The following IL1RL2 variants were observed in gnomAD, a reference collection of about 807,000 sequenced individuals.
IL1RL2 encodes interleukin 1 receptor like 2.
IL1RL2 carries 68 observed loss-of-function variants against 66.8 expected under a neutral mutation model. That is an observed-to-expected ratio of 1.02 (90% confidence interval 0.84 to 1.25). IL1RL2 has a LOEUF of 1.25. Ranked by LOEUF, IL1RL2 falls within the 50% of genes most tolerant of loss-of-function variation. The pLI is 0.00. For missense variants in IL1RL2, 729 were observed against 709.3 expected, an observed-to-expected ratio of 1.03 and a Z score of -0.32; for synonymous variants, 305 against 264.6, an observed-to-expected ratio of 1.15 and a Z score of -1.48.
intron 4 of IL1RL2, among the ~76,000 whole-genome samples, chr2:102,197,022 C>A (rs144763344): frequency 1.3e-5 from 2 of 151,996 alleles, no homozygotes; most frequent in Admixed American, 6.6e-5. Flanking sequence ...TTAAGAAGTG[C>A]GGTTCATTTC....
intron 11 of IL1RL2, among the ~76,000 whole-genome samples, chr2:102,236,285 T>C (rs891534920): frequency 1.3e-5 from 2 of 152,128 alleles, no homozygotes; most frequent in Non-Finnish European, 2.9e-5. Flanking sequence ...GAGTCAGCCC[T>C]GAGAGCCAGC....
At chr2:102,189,467 CAG>C (rs1428978639) in intron 3 of IL1RL2, among the ~76,000 whole-genome samples, 157 bp downstream of exon 3, 1 of 152,186 alleles carries the variant, frequency 6.6e-6, no homozygotes, top group African/African-American at 2.4e-5. Context: ...CATTTTTAAA[CAG>C]AACAGATTTG....
chr2:102,201,845 C>T (rs1688288494), intron 5 of IL1RL2, 130 bp downstream of exon 5: 1 of 750,870 alleles, frequency 1.3e-6, no homozygotes, highest in African/African-American at 1.8e-5. Flanking sequence ...CTAGTAGGCT[C>T]TCAGACCTGC....
intron 6 of IL1RL2, among the ~76,000 whole-genome samples, chr2:102,216,597 A>G (rs1319487662): frequency 6.6e-6 from 1 of 152,120 alleles, no homozygotes; most frequent in African/African-American, 2.4e-5. Flanking sequence ...ATTGGTAAGA[A>G]CATGACTCCT....
chr2:102,217,246 T>G (rs1689689799), intron 6 of IL1RL2, among the ~76,000 whole-genome samples: 1 of 152,172 alleles, frequency 6.6e-6, no homozygotes, highest in African/African-American at 2.4e-5. Context: ...TATTCTTGGA[T>G]AGCAGTTTTT....
At chr2:102,230,559 G>A (rs1262025091) in intron 9 of IL1RL2, among the ~76,000 whole-genome samples, 1 of 152,220 alleles carries the variant, frequency 6.6e-6, no homozygotes, top group East Asian at 1.9e-4. Flanking sequence ...GATATTCGGT[G>A]AGCACTGATG....
chr2:102,233,089 T>C lies in IL1RL2; in HGVS notation c.1262T>C (p.Leu421Ser). The stretch of plus-strand genomic sequence containing the variant: ...TTGGAGAGACAATGTGGATATAAGT[T>C]GTTTATATTCGGCAGAGATGAATTC... The part of the protein sequence containing the change: ...EVLERQCGYK[L>S]FIFGRDEFPG... The change falls in exon 10 of 12, where the codon TTG becomes TCG. Residue 421 changes from leucine to serine, a missense_variant. Coordinates refer to ENST00000264257, the MANE Select transcript of IL1RL2 (RefSeq NM_003854.4). The C allele has an allele frequency of 6.2e-7, 1 of 1,613,632 alleles. No individual in the cohort carries two copies. The highest frequency in any genetic ancestry group is 1.1e-5 in the South Asian group (1 of 91,076).
Position 102,191,999 on chromosome 2 carries a change from G to A in IL1RL2, c.368G>A (p.Gly123Asp), listed in dbSNP as rs747275498. 6.8e-6 allele frequency: 11 copies of A among 1,612,576 alleles called. No individual in the cohort carries two copies. The highest frequency in any genetic ancestry group is 1.1e-5 in the South Asian group (1 of 90,816). The change falls in exon 4 of 12, where the codon GGT becomes GAT. Residue 123 changes from glycine to aspartate, a missense_variant. Transcript: ENST00000264257. Reference sequence around the variant, plus strand: ...AAACATTGGTGTGACACTTCCATAGGTGGTTTACCAAATTTATCAGATGAG... The same window carrying A: ...AAACATTGGTGTGACACTTCCATAGATGGTTTACCAAATTTATCAGATGAG... ...FEKHWCDTSI[G>D]GLPNLSDEYK...
intron 1 of IL1RL2, 35 bp downstream of exon 1, chr2:102,187,121 C>A (rs1022207808): frequency 1.1e-5 from 14 of 1,287,412 alleles, no homozygotes; most frequent in Non-Finnish European, 1.2e-5. Context: ...CTGAGCCAGG[C>A]ATGGGTGGGG....
rs1340549512 is a variant in IL1RL2, at chr2:102,210,398, C to A, written c.650-1702C>A. 3.9e-5 allele frequency among the ~76,000 whole-genome samples: 6 copies of A among 152,092 alleles called. No individual in the cohort carries two copies. In the East Asian group the frequency reaches 1.2e-3, roughly 29 times the overall value. On this transcript the variant is annotated intron_variant, in intron 5 of 11. Transcript: ENST00000264257. ...CTAAGAACAATGACAAGCAGCCAGACAGATCAAAAGCAGGAGAGTAGCATG... is the reference window on the plus strand; with the variant it reads ...CTAAGAACAATGACAAGCAGCCAGAAAGATCAAAAGCAGGAGAGTAGCATG...
chr2:102,191,202 A>G (rs982106759), intron 3 of IL1RL2, among the ~76,000 whole-genome samples: 1 of 152,158 alleles, frequency 6.6e-6, no homozygotes. Flanking sequence ...GCCCTTAATC[A>G]TCATACCCTC....
intron 4 of IL1RL2, 111 bp from the exon 5 acceptor site, chr2:102,201,441 CCTAG>C: frequency 8.1e-6 from 7 of 868,890 alleles, no homozygotes; most frequent in East Asian, 2.5e-5. Context: ...TTTCTATTTA[CCTAG>C]CTAGCTAGCT....
At chr2:102,200,117 C>CAAAA (rs35208716) in intron 4 of IL1RL2, among the ~76,000 whole-genome samples, 45 of 94,968 alleles carry the variant, frequency 4.7e-4, no homozygotes, top group Non-Finnish European at 7.2e-4. Flanking sequence ...CCTGTTCCAG[C>CAAAA]AAAAAAAAAA....
chr2:102,195,777 G>T (rs35759025), intron 4 of IL1RL2, among the ~76,000 whole-genome samples: 3 of 146,808 alleles, frequency 2.0e-5, no homozygotes, highest in Non-Finnish European at 4.5e-5. Flanking sequence ...GCAGTGGTGC[G>T]GTCTTGACTC....
intron 5 of IL1RL2, among the ~76,000 whole-genome samples, chr2:102,205,615 C>A (rs970953879): frequency 2.0e-5 from 3 of 152,160 alleles, no homozygotes; most frequent in Admixed American, 1.3e-4. Context: ...TATTAGAGCT[C>A]CATTGTATGT....
At chr2:102,187,003 C>A, upstream of IL1RL2, 2 of 1,289,356 alleles carry the variant, frequency 1.6e-6, no homozygotes, top group Non-Finnish European at 2.0e-6. Context: ...AATACCTAGG[C>A]ATGGAAGTGG....
At chr2:102,226,158 G>A in intron 9 of IL1RL2, 117 bp downstream of exon 9, 1 of 789,544 alleles carries the variant, frequency 1.3e-6, no homozygotes, top group Non-Finnish European at 1.9e-6. Flanking sequence ...TTAGGGAAAG[G>A]AATCTCCTTG....
rs780920145 is a variant in IL1RL2, at chr2:102,189,319, C to T, written c.293+9C>T. ...TACCAATGTGTTATAAAGTAAGTTCCTAATTTAAAATAGAACTAACTCGTG... is the reference window on the plus strand; with the variant it reads ...TACCAATGTGTTATAAAGTAAGTTCTTAATTTAAAATAGAACTAACTCGTG... On this transcript the variant is annotated intron_variant, in intron 3 of 11. Transcript: ENST00000264257. 42 of 1,541,556 alleles carry T rather than the reference C, an allele frequency of 2.7e-5. No homozygotes were observed. The highest frequency in any genetic ancestry group is 2.9e-5 in the Non-Finnish European group (33 of 1,125,444).
At chr2:102,220,676 T>G (rs1690032072) in intron 8 of IL1RL2, among the ~76,000 whole-genome samples, 1 of 115,982 alleles carries the variant, frequency 8.6e-6, no homozygotes, top group Admixed American at 9.7e-5. Flanking sequence ...ATATCATTAG[T>G]GTATGTGTGT....
Sources: allele counts gnomAD v4.1 joint callset (sites outside exome capture counted in the v4.1 genomes callset), GRCh38; gene constraint gnomAD v4.1.1; transcripts MANE v1.5; gene names NCBI Gene and HGNC (gene_info 2026-07-23, HGNC 2026-07-21).